The following NKAIN3 variants were observed in gnomAD, a reference collection of about 807,000 sequenced individuals.
The protein encoded by NKAIN3 is sodium/potassium transporting ATPase interacting 3, also known as sodium/potassium-transporting ATPase subunit beta-1-interacting protein 3.
A neutral mutation model predicts 30.2 loss-of-function variants in NKAIN3; 25 were observed. That is an observed-to-expected ratio of 0.83 (90% confidence interval 0.60 to 1.16). The LOEUF (loss-of-function observed/expected upper bound fraction) is 1.16. Ranked by LOEUF, NKAIN3 falls within the 50% of genes most tolerant of loss-of-function variation. The probability of loss-of-function intolerance (pLI) is 0.00; values close to 1 mark genes in which losing one functional copy is unlikely to be tolerated. For missense variants in NKAIN3, 225 were observed against 254.1 expected, an observed-to-expected ratio of 0.89 and a Z score of 0.78; for synonymous variants, 91 against 89.6, an observed-to-expected ratio of 1.02 and a Z score of -0.09.
Position 62,966,388 on chromosome 8 carries a change from G to GA in NKAIN3, c.*987dup. On this transcript the variant is annotated 3_prime_UTR_variant, in exon 7 of 7. Coordinates refer to ENST00000623646, the MANE Select transcript of NKAIN3 (RefSeq NM_001304533.3). ...ATGATATGGGAAGCAATTATCTGTG[G>GA]AAAAAAGGACTGTCTTGAAAACGCA... The GA allele has an allele frequency of 1.0e-6, 1 of 985,110 alleles. No homozygotes were observed. The allele number at this position is 985,110 out of a possible 1,614,324, so 61.0% of individuals were successfully genotyped here.
chr8:62,345,418 CACATATAT>C lies in NKAIN3; in HGVS notation c.54+96295_54+96302del, dbSNP rs1431193184. Among the ~76,000 whole-genome samples the C allele has an allele frequency of 8.0e-3, 1,033 of 129,100 alleles. 17 individuals carry two copies. Among genetic ancestry groups the C allele is most frequent in the Non-Finnish European group, 0.013 (849 of 63,734 alleles). 84.7% of individuals were successfully genotyped at this position (129,100 alleles called of 152,430 possible). The stretch of plus-strand genomic sequence containing the variant: ...ACATATACACATATATGTATATATA[CACATATAT>C]ACACATATATGTATATATACACACA... On this transcript the variant is annotated intron_variant, in intron 1 of 6. Transcript: ENST00000623646.
chr8:62,570,245 A>G (rs1314437176), intron 1 of NKAIN3, among the ~76,000 whole-genome samples: 2 of 152,190 alleles, frequency 1.3e-5, no homozygotes, highest in African/African-American at 4.8e-5. Context: ...ATACCAAGGA[A>G]TATATTTAGT....
intron 3 of NKAIN3, among the ~76,000 whole-genome samples, chr8:62,683,708 A>G (rs768619216): frequency 2.6e-5 from 4 of 152,142 alleles, no homozygotes; most frequent in Admixed American, 6.5e-5. Flanking sequence ...TAAGCATTTC[A>G]TAACCCCTCT....
intron 1 of NKAIN3, among the ~76,000 whole-genome samples, chr8:62,298,679 C>T (rs1321494167): frequency 4.6e-5 from 7 of 152,080 alleles, no homozygotes; most frequent in African/African-American, 1.2e-4. Flanking sequence ...GTCTTCTCTT[C>T]GGGATCAGTG....
chr8:62,986,211 C>T (rs189812527), downstream of NKAIN3, among the ~76,000 whole-genome samples: 28 of 152,240 alleles, frequency 1.8e-4, no homozygotes, highest in East Asian at 1.5e-3. Flanking sequence ...GTGGCTAACC[C>T]GGAGATTCAT....
intron 4 of NKAIN3, among the ~76,000 whole-genome samples, chr8:62,756,704 G>A (rs545631335): frequency 1.3e-5 from 2 of 152,234 alleles, no homozygotes; most frequent in African/African-American, 2.4e-5. Flanking sequence ...TTTGTCCACA[G>A]CATCTATGGG....
chr8:62,863,354 C>A, intron 4 of NKAIN3: 1 of 1,546,730 alleles, frequency 6.5e-7, no homozygotes, highest in South Asian at 1.2e-5. Flanking sequence ...GTGGTCTCAG[C>A]TGCCGTTCTT....
Position 62,980,715 on chromosome 8 carries a change from CAT to C in NKAIN3, c.*15310_*15311del, listed in dbSNP as rs1399391524. ...TTGTACATGATATTTTTAGGCAAAA[CAT>C]AATGTCTGGAGCACCAAGTGAAATA... On this transcript the variant is annotated 3_prime_UTR_variant, in exon 7 of 7. Transcript: ENST00000623646. The C allele has an allele frequency of 2.0e-5, 3 of 152,108 alleles. No individual in the cohort carries two copies. The highest frequency in any genetic ancestry group is 7.2e-5 in the African/African-American group (3 of 41,410). The allele number at this position is 152,108 out of a possible 1,614,324, so 9.4% of individuals were successfully genotyped here.
intron 4 of NKAIN3, among the ~76,000 whole-genome samples, chr8:62,882,858 A>G (rs1019462377): frequency 6.6e-6 from 1 of 152,112 alleles, no homozygotes; most frequent in Non-Finnish European, 1.5e-5. Flanking sequence ...TCAGTTGACT[A>G]TACTTATGTG....
chr8:62,456,802 A>G (rs1254660569), intron 1 of NKAIN3, among the ~76,000 whole-genome samples: 2 of 152,240 alleles, frequency 1.3e-5, no homozygotes, highest in African/African-American at 4.8e-5. Context: ...CCAAATTTTA[A>G]AAATCATGGC....
intron 1 of NKAIN3, among the ~76,000 whole-genome samples, chr8:62,253,157 A>C (rs560279433): frequency 6.6e-6 from 1 of 152,180 alleles, no homozygotes; most frequent in Non-Finnish European, 1.5e-5. Flanking sequence ...TCTTATTACT[A>C]TTAGACCTAG....
At chr8:62,639,571 G>A (rs1334819182) in intron 3 of NKAIN3, among the ~76,000 whole-genome samples, 3 of 152,106 alleles carry the variant, frequency 2.0e-5, no homozygotes, top group African/African-American at 7.2e-5. Flanking sequence ...TTTGTATTAT[G>A]TACAGACAAT....
intron 5 of NKAIN3, chr8:62,991,081 G>A (rs1824309370): frequency 6.6e-6 from 1 of 152,292 alleles, no homozygotes; most frequent in South Asian, 2.1e-4. Context: ...TAAGTGCAAA[G>A]GCCATGAGAT....
chr8:62,799,830 G>A (rs1817995843), intron 4 of NKAIN3, among the ~76,000 whole-genome samples: 1 of 152,126 alleles, frequency 6.6e-6, no homozygotes, highest in African/African-American at 2.4e-5. Flanking sequence ...TGGATAGAGA[G>A]AAAATGTGGC....
intron 4 of NKAIN3, among the ~76,000 whole-genome samples, chr8:62,822,183 A>G (rs1412809258): frequency 6.6e-6 from 1 of 152,178 alleles, no homozygotes; most frequent in African/African-American, 2.4e-5. Flanking sequence ...ACCTATAGTG[A>G]TTGTTCTATT....
intron 3 of NKAIN3, among the ~76,000 whole-genome samples, chr8:62,736,605 A>G (rs892858645): frequency 5.9e-5 from 9 of 152,136 alleles, no homozygotes; most frequent in African/African-American, 2.2e-4. Context: ...GCCCCAGGCT[A>G]CCAGCTTCCT....
At chr8:62,412,908 TCAAAAAAAAAAAA>T (rs36231864) in intron 1 of NKAIN3, among the ~76,000 whole-genome samples, 36,859 of 75,580 alleles carry the variant, frequency 0.49, 4,992 homozygotes, top group Middle Eastern at 0.56. Flanking sequence ...TGAGACTCCG[TCAAAAAAAAAAAA>T]CAAAAAAAAA....
chr8:62,527,895 G>GTGTGTGTGTGTA, intron 1 of NKAIN3, among the ~76,000 whole-genome samples: 1 of 126,196 alleles, frequency 7.9e-6, no homozygotes. Flanking sequence ...GTGTGTGTGT[G>GTGTGTGTGTGTA]TGTGTGTGTG....
intron 1 of NKAIN3, among the ~76,000 whole-genome samples, chr8:62,266,972 C>T (rs977072044): frequency 2.0e-5 from 3 of 152,234 alleles, no homozygotes; most frequent in Non-Finnish European, 4.4e-5. Flanking sequence ...TGCTGCTGTG[C>T]ATTGCCACTT....
Sources: allele counts gnomAD v4.1 joint callset (sites outside exome capture counted in the v4.1 genomes callset), GRCh38; gene constraint gnomAD v4.1.1; transcripts MANE v1.5; gene names NCBI Gene and HGNC (gene_info 2026-07-23, HGNC 2026-07-21).